The following GULP1 variants were observed in gnomAD, a reference collection of about 807,000 sequenced individuals.
GULP1 encodes the protein GULP PTB domain containing engulfment adaptor 1, also known as PTB domain-containing engulfment adapter protein 1.
GULP1 carries 19 observed loss-of-function variants against 40.9 expected under a neutral mutation model. That is an observed-to-expected ratio of 0.46 (90% confidence interval 0.32 to 0.68). The LOEUF is 0.68. GULP1 is among the 30% of genes least tolerant of loss of function. The pLI is 0.03. For synonymous variants in GULP1, 119 were observed against 117.6 expected, an observed-to-expected ratio of 1.01 and a Z score of -0.08; for missense variants, 312 against 362.2, an observed-to-expected ratio of 0.86 and a Z score of 1.12.
chr2:188,371,833 A>G (rs2047639938), intron 1 of GULP1, among the ~76,000 whole-genome samples: 2 of 152,124 alleles, frequency 1.3e-5, no homozygotes, highest in African/African-American at 4.8e-5. Context: ...CCACAATACA[A>G]TGCACAACAT....
intron 4 of GULP1, among the ~76,000 whole-genome samples, chr2:188,494,376 C>A (rs370211882): frequency 6.6e-6 from 1 of 152,030 alleles, no homozygotes; most frequent in African/African-American, 2.4e-5. Flanking sequence ...TATGATGAAA[C>A]AGCGGATTTT....
chr2:188,480,083 T>G (rs893442778), intron 3 of GULP1, among the ~76,000 whole-genome samples: 1 of 152,106 alleles, frequency 6.6e-6, no homozygotes, highest in East Asian at 1.9e-4. Flanking sequence ...TATCATTTGG[T>G]GAAGTTGTTA....
At chr2:188,494,069 C>G (rs1244232223) in intron 4 of GULP1, among the ~76,000 whole-genome samples, 1 of 151,970 alleles carries the variant, frequency 6.6e-6, no homozygotes, top group Non-Finnish European at 1.5e-5. Context: ...ATTGACTTAA[C>G]CCATGTGACA....
chr2:188,301,786 C>G (rs955312427), intron 1 of GULP1, among the ~76,000 whole-genome samples: 1 of 152,136 alleles, frequency 6.6e-6, no homozygotes, highest in Non-Finnish European at 1.5e-5. Context: ...TGATATTTGT[C>G]CTATCTGGAA....
intron 7 of GULP1, among the ~76,000 whole-genome samples, chr2:188,544,352 C>T (rs1691331823): frequency 6.6e-6 from 1 of 151,826 alleles, no homozygotes; most frequent in South Asian, 2.1e-4. Context: ...ACACATGAAA[C>T]AGATGAGAAT....
intron 9 of GULP1, 139 bp downstream of exon 9, chr2:188,570,259 G>A (rs191741660): frequency 1.1e-4 from 59 of 536,014 alleles, no homozygotes; most frequent in East Asian, 1.0e-3. Context: ...AGGCTGCTAA[G>A]CAGTTTAATT....
At position 188,473,221 on chromosome 2, in the gene GULP1, G is replaced by A. The variant is rs181776175; in HGVS notation, c.-44-4438G>A. 9.2e-4 allele frequency among the ~76,000 whole-genome samples: 140 copies of A among 152,122 alleles called. 2 individuals carry two copies. The East Asian group carries it at 0.022, about 24-fold the overall frequency. On this transcript the variant is annotated intron_variant, in intron 2 of 11. Coordinates refer to ENST00000409830, the MANE Select transcript of GULP1 (RefSeq NM_016315.4). ...GTAGGGTGGAGTGACATACTGTGTTGGGTCAGACCTGAAGCCAGAACAGCA... is the reference window on the plus strand; with the variant it reads ...GTAGGGTGGAGTGACATACTGTGTTAGGTCAGACCTGAAGCCAGAACAGCA...
intron 2 of GULP1, among the ~76,000 whole-genome samples, chr2:188,419,349 C>T (rs183606029): frequency 1.3e-5 from 2 of 152,094 alleles, no homozygotes; most frequent in African/African-American, 4.8e-5. Context: ...TTTCTCCATA[C>T]CCTGGTCAAT....
chr2:188,490,804 A>G (rs1000263003), intron 4 of GULP1, among the ~76,000 whole-genome samples: 9 of 151,954 alleles, frequency 5.9e-5, no homozygotes, highest in Non-Finnish European at 1.2e-4. Context: ...TAGATGAAAT[A>G]ATTTTTATTT....
chr2:188,539,708 G>T (rs539072431), intron 6 of GULP1, among the ~76,000 whole-genome samples: 2 of 152,208 alleles, frequency 1.3e-5, no homozygotes, highest in South Asian at 4.1e-4. Flanking sequence ...TGCAGGGAAA[G>T]AATGCTTTGC....
chr2:188,304,125 A>G (rs1204931015), intron 1 of GULP1, among the ~76,000 whole-genome samples: 4 of 152,168 alleles, frequency 2.6e-5, no homozygotes, highest in African/African-American at 7.2e-5. Context: ...TGGAAATTAT[A>G]GTAGAAAATA....
At chr2:188,582,546 G>A (rs1360372969) in intron 9 of GULP1, 1 of 471,238 alleles carries the variant, frequency 2.1e-6, no homozygotes, top group Non-Finnish European at 4.4e-6. Context: ...GTCAGTGAGA[G>A]CAGCATCCCA....
intron 2 of GULP1, among the ~76,000 whole-genome samples, chr2:188,393,605 A>G (rs2050816287): frequency 6.6e-6 from 1 of 152,062 alleles, no homozygotes; most frequent in Admixed American, 6.6e-5. Context: ...GTACCGTTCC[A>G]GTTATTATGT....
chr2:188,566,741 G>C (rs999708626), intron 7 of GULP1, among the ~76,000 whole-genome samples: 3 of 138,552 alleles, frequency 2.2e-5, no homozygotes, highest in Non-Finnish European at 4.5e-5. Flanking sequence ...GTTGCAGTGA[G>C]CTGAGATTGC....
chr2:188,374,956 T>G (rs1240010051), intron 1 of GULP1, among the ~76,000 whole-genome samples: 2 of 152,142 alleles, frequency 1.3e-5, no homozygotes, highest in Non-Finnish European at 2.9e-5. Context: ...TAAAATAACA[T>G]TTGGTATTAG....
intron 2 of GULP1, among the ~76,000 whole-genome samples, chr2:188,446,486 A>G (rs1381314810): frequency 6.6e-6 from 1 of 152,212 alleles, no homozygotes; most frequent in Non-Finnish European, 1.5e-5. Context: ...AGGTGGCGGC[A>G]TAAAATTGTT....
intron 2 of GULP1, among the ~76,000 whole-genome samples, chr2:188,463,624 T>A (rs559567649): frequency 6.6e-6 from 1 of 152,260 alleles, no homozygotes; most frequent in Non-Finnish European, 1.5e-5. Context: ...TCTTTAAGGC[T>A]AATAACTCTT....
chr2:188,444,811 G>A (rs2058243201), intron 2 of GULP1, among the ~76,000 whole-genome samples: 1 of 152,170 alleles, frequency 6.6e-6, no homozygotes, highest in South Asian at 2.1e-4. Context: ...TGTTGTCTGT[G>A]AAGCTTTAGA....
At chr2:188,563,623 T>G (rs1401101773) in intron 7 of GULP1, among the ~76,000 whole-genome samples, 1 of 151,656 alleles carries the variant, frequency 6.6e-6, no homozygotes, top group South Asian at 2.1e-4. Context: ...AATTAAATAT[T>G]TGGCCCAAAT....
Sources: allele counts gnomAD v4.1 joint callset (sites outside exome capture counted in the v4.1 genomes callset), GRCh38; gene constraint gnomAD v4.1.1; transcripts MANE v1.5; gene names NCBI Gene and HGNC (gene_info 2026-07-23, HGNC 2026-07-21).